FSTL5: variants seen among roughly 807,000 people sequenced by gnomAD.
FSTL5 encodes the protein follistatin-related protein 5.
FSTL5 carries 62 observed loss-of-function variants against 89.1 expected under a neutral mutation model. The observed-to-expected ratio is 0.70, with a 90% CI of 0.57 to 0.86. FSTL5 has a LOEUF of 0.86. Among genes scored for constraint, FSTL5 ranks in the 40% least tolerant of loss-of-function variants. The pLI is 0.00. For missense variants in FSTL5, 1,057 were observed against 1,001.6 expected (o/e 1.06, Z -0.75); for synonymous variants, 383 against 346.2 (o/e 1.11, Z -1.18).
In FSTL5 at chr4:162,069,726, C is replaced by T. The variant is rs558778171; in HGVS notation, c.127-36068G>A. ...TGTTGTCACGAATGACAAGATTTCA[C>T]TCCTGTTTGTGGCTAACTAGTATTC... On this transcript the variant is annotated intron_variant, in intron 2 of 15. Transcript: ENST00000306100. Among the ~76,000 whole-genome samples, 5 of 151,952 alleles carry T rather than the reference C, an allele frequency of 3.3e-5. No homozygotes were observed. The South Asian group carries it at 1.0e-3, about 31-fold the overall frequency.
chr4:162,154,573 A>G (rs908690961), intron 1 of FSTL5, among the ~76,000 whole-genome samples: 1 of 152,210 alleles, frequency 6.6e-6, no homozygotes, highest in Non-Finnish European at 1.5e-5. Flanking sequence ...GCATGCAATA[A>G]GTTCATAATA....
intron 3 of FSTL5, among the ~76,000 whole-genome samples, chr4:162,006,916 A>C (rs751024482): frequency 3.2e-4 from 49 of 151,912 alleles, no homozygotes; most frequent in South Asian, 8.3e-4. Flanking sequence ...TGGATCAGAA[A>C]ATATTATTTT....
intron 9 of FSTL5, among the ~76,000 whole-genome samples, chr4:161,539,872 T>C (rs1307130142): frequency 1.3e-5 from 2 of 150,662 alleles, no homozygotes; most frequent in Non-Finnish European, 2.9e-5. Context: ...TCTTGTTTTA[T>C]ATAAGATACG....
chr4:162,074,500 T>C lies in FSTL5; in HGVS notation c.126+36771A>G, dbSNP rs568708826. Reference sequence around the variant, plus strand: ...ATCATCTTGAATTGACATTAATACATCATTATCAAACTTATTAACATATTA... The same window carrying C: ...ATCATCTTGAATTGACATTAATACACCATTATCAAACTTATTAACATATTA... On this transcript the variant is annotated intron_variant, in intron 2 of 15. Transcript: ENST00000306100. 2.0e-5 allele frequency among the ~76,000 whole-genome samples: 3 copies of C among 151,940 alleles called. No individual in the cohort carries two copies. In the South Asian group the frequency reaches 6.2e-4, roughly 31 times the overall value.
intron 7 of FSTL5, among the ~76,000 whole-genome samples, chr4:161,606,239 GA>G (rs1734433809): frequency 1.1e-5 from 1 of 95,218 alleles, no homozygotes; most frequent in African/African-American, 3.7e-5. Context: ...GATTATCTGT[GA>G]TTTTTTTTTT....
At chr4:161,428,419 C>T (rs762621680) in intron 15 of FSTL5, among the ~76,000 whole-genome samples, 13 of 152,230 alleles carry the variant, frequency 8.5e-5, no homozygotes, top group South Asian at 2.1e-4. Context: ...ACCACCCCTC[C>T]GCCAACCCCA....
rs140508698 is a variant in FSTL5 at position 161,927,635 on chromosome 4, C to T, written c.161-6983G>A. Reference sequence around the variant, plus strand: ...TAGTAAATTATCTTTTTACAATATACTTTTTTCCTTTATTAGAGTAAAATT... The same window carrying T: ...TAGTAAATTATCTTTTTACAATATATTTTTTTCCTTTATTAGAGTAAAATT... On this transcript the variant is annotated intron_variant, in intron 3 of 15. Coordinates refer to ENST00000306100, the MANE Select transcript of FSTL5 (RefSeq NM_020116.5). 4.2e-3 allele frequency among the ~76,000 whole-genome samples: 633 copies of T among 151,442 alleles called. 5 individuals carry two copies. Among genetic ancestry groups the T allele is most frequent in the African/African-American group, 0.015 (611 of 41,394 alleles).
chr4:161,434,902 T>C (rs973218002), intron 15 of FSTL5, among the ~76,000 whole-genome samples: 9 of 152,090 alleles, frequency 5.9e-5, no homozygotes, highest in Non-Finnish European at 1.2e-4. Context: ...AAATGGCTTT[T>C]ATTCAAAAGA....
At chr4:161,715,768 G>T (rs1277221564) in intron 6 of FSTL5, among the ~76,000 whole-genome samples, 1 of 152,082 alleles carries the variant, frequency 6.6e-6, no homozygotes, top group Non-Finnish European at 1.5e-5. Context: ...GTTCATTCAA[G>T]GGTTTAGAGC....
intron 4 of FSTL5, among the ~76,000 whole-genome samples, chr4:161,848,406 T>C (rs1731444959): frequency 6.6e-6 from 1 of 152,162 alleles, no homozygotes; most frequent in African/African-American, 2.4e-5. Flanking sequence ...ACTAATAGTC[T>C]CCTAAATTCC....
At chr4:162,086,818 G>T (rs1730341250) in intron 2 of FSTL5, among the ~76,000 whole-genome samples, 1 of 151,932 alleles carries the variant, frequency 6.6e-6, no homozygotes, top group African/African-American at 2.4e-5. Context: ...GATTTAGAAA[G>T]AAGTTAATGC....
chr4:161,618,995 T>C (rs1371118166), intron 7 of FSTL5, among the ~76,000 whole-genome samples: 32 of 152,212 alleles, frequency 2.1e-4, no homozygotes, highest in Non-Finnish European at 4.3e-4. Context: ...AACAGAGATA[T>C]AGATCAATGG....
At chr4:161,574,114 G>A (rs1219371484) in intron 8 of FSTL5, among the ~76,000 whole-genome samples, 3 of 152,014 alleles carry the variant, frequency 2.0e-5, no homozygotes, top group Admixed American at 6.6e-5. Context: ...TTCATCTGAT[G>A]AGGACCCTTA....
chr4:161,483,605 T>A (rs1729589467), intron 12 of FSTL5, among the ~76,000 whole-genome samples: 1 of 152,218 alleles, frequency 6.6e-6, no homozygotes, highest in African/African-American at 2.4e-5. Context: ...TTGCTTTGGT[T>A]TATGCTATTA....
At chr4:161,448,633 G>T (rs2126385318) in intron 15 of FSTL5, among the ~76,000 whole-genome samples, 1 of 152,190 alleles carries the variant, frequency 6.6e-6, no homozygotes, top group Admixed American at 6.5e-5. Flanking sequence ...CCACTCTCCA[G>T]ACTGCCGGAG....
intron 7 of FSTL5, among the ~76,000 whole-genome samples, chr4:161,638,388 T>C (rs1404733575): frequency 6.6e-6 from 1 of 152,170 alleles, no homozygotes; most frequent in Non-Finnish European, 1.5e-5. Context: ...GTTTTCTAGA[T>C]ATACAACCAT....
chr4:161,856,014 T>G (rs1266574204), intron 4 of FSTL5, among the ~76,000 whole-genome samples: 3 of 152,160 alleles, frequency 2.0e-5, no homozygotes, highest in Admixed American at 2.0e-4. Flanking sequence ...TTTAAGGGTT[T>G]ATATGCATCA....
intron 1 of FSTL5, among the ~76,000 whole-genome samples, chr4:162,133,477 T>G (rs927182825): frequency 2.0e-5 from 3 of 152,198 alleles, no homozygotes; most frequent in African/African-American, 7.2e-5. Context: ...TTTCAATGCT[T>G]TCTTTCTCTT....
chr4:161,896,177 A>G (rs1733151314), intron 4 of FSTL5, among the ~76,000 whole-genome samples: 1 of 152,234 alleles, frequency 6.6e-6, no homozygotes, highest in Admixed American at 6.5e-5. Flanking sequence ...ATAACTACAT[A>G]AACCTTTATT....
Sources: gnomAD v4.1 joint callset for allele counts (sites outside exome capture counted in the v4.1 genomes callset) on GRCh38, gnomAD v4.1.1 for gene constraint, MANE v1.5 for transcripts, NCBI Gene and HGNC (gene_info 2026-07-23, HGNC 2026-07-21) for gene names.